DNAJC11: variants seen among roughly 807,000 people sequenced by gnomAD.
DNAJC11 encodes DnaJ heat shock protein family (Hsp40) member C11.
A neutral mutation model predicts 78.6 loss-of-function variants in DNAJC11; 15 were observed. That is an observed-to-expected ratio of 0.19 (90% CI 0.13 to 0.29). The LOEUF (loss-of-function observed/expected upper bound fraction) is 0.29, where lower values mean the gene tolerates loss of function less well. DNAJC11 is among the 10% of genes least tolerant of loss of function. The pLI, the probability that DNAJC11 is intolerant of heterozygous loss-of-function variation, is 1.00. For synonymous variants in DNAJC11, 292 were observed against 272.1 expected (o/e 1.07, Z -0.72); for missense variants, 547 against 709.6 (o/e 0.77, Z 2.60).
chr1:6,665,158 C>A (rs575556349), intron 4 of DNAJC11, among the ~76,000 whole-genome samples: 82 of 152,242 alleles, frequency 5.4e-4, no homozygotes, highest in African/African-American at 1.9e-3. Context: ...ACCTTGAACT[C>A]CTGGGCTCGG....
rs1348525744 is a variant in DNAJC11, at chr1:6,634,635, G to A, written c.*1040C>T. 1.5e-6 allele frequency: 2 copies of A among 1,366,516 alleles called. No individual in the cohort carries two copies. Among genetic ancestry groups the A allele is most frequent in the Non-Finnish European group, 2.0e-6 (2 of 1,021,840 alleles). The allele number at this position is 1,366,516 out of a possible 1,614,324, so 84.6% of individuals were successfully genotyped here. ...CTCACGTAACTTTACTGCAGCCGAG[G>A]TCCAGGCCGTGGAGGGGGTCCTAGC... On this transcript the variant is annotated 3_prime_UTR_variant, in exon 16 of 16. Coordinates refer to ENST00000377577, the MANE Select transcript of DNAJC11 (RefSeq NM_018198.4).
Position 6,685,713 on chromosome 1 carries a change from C to T in DNAJC11, c.73-4676G>A, listed in dbSNP as rs933233126. Among the ~76,000 whole-genome samples the T allele has an allele frequency of 5.3e-5, 8 of 152,198 alleles. No individual in the cohort carries two copies. In the East Asian group the frequency reaches 7.7e-4, roughly 15 times the overall value. On this transcript the variant is annotated intron_variant, in intron 1 of 15. Coordinates refer to ENST00000377577, the MANE Select transcript of DNAJC11 (RefSeq NM_018198.4). ...ATAAAACCTGAGTTTTCCTTTTGTT[C>T]TCTGGAACCCACCTTTGTTTTATAC...
Position 6,634,939 on chromosome 1 carries a change from G to T in DNAJC11, c.*736C>A. The stretch of plus-strand genomic sequence containing the variant: ...GCAGGCGGTGGAGGGACACAGGCCA[G>T]CTCAAGCCCGCTGGTGGCAGGGCGT... On this transcript the variant is annotated 3_prime_UTR_variant, in exon 16 of 16. Transcript: ENST00000377577. 21 of 1,087,560 alleles carry T rather than the reference G, an allele frequency of 1.9e-5. No individual in the cohort carries two copies. The highest frequency in any genetic ancestry group is 2.5e-5 in the Non-Finnish European group (21 of 853,456). 67.4% of individuals were successfully genotyped at this position (1,087,560 alleles called of 1,614,324 possible). A position where few individuals can be genotyped will look rare whatever the true frequency, so the allele number is the denominator to read the frequency against.
intron 4 of DNAJC11, among the ~76,000 whole-genome samples, chr1:6,655,173 A>G (rs1328321989): frequency 1.3e-5 from 2 of 152,228 alleles, no homozygotes; most frequent in African/African-American, 4.8e-5. Context: ...GTTGAGGGTG[A>G]AACACCTGAC....
rs1313415361 is a variant in DNAJC11, at chr1:6,682,612, CTT to C, written c.73-1577_73-1576del. On this transcript the variant is annotated intron_variant, in intron 1 of 15. Coordinates refer to ENST00000377577, the MANE Select transcript of DNAJC11 (RefSeq NM_018198.4). ...ACCTCCAGGAGCCTTCTGGCTCTAA[CTT>C]TACTCGATTCTGCTATTCAGAAAAG... is the stretch of plus-strand genomic sequence containing the variant. Among the ~76,000 whole-genome samples, 6 of 152,148 alleles carry C rather than the reference CTT, an allele frequency of 3.9e-5. No homozygotes were observed. The East Asian group carries it at 1.2e-3, about 29-fold the overall frequency.
In DNAJC11 at chr1:6,644,657, G is replaced by A. The variant is rs766797194; in HGVS notation, c.998C>T (p.Thr333Met). ...CCTCTCAGCTCCGTACTCCACCACC[G>A]TCCCAAAGAAGCCTGCTCTGCAGGG... ...KGSLKAGFFGTVVEYGAERKI... is the reference protein window; with the variant it reads ...KGSLKAGFFGMVVEYGAERKI... The change falls in exon 10 of 16, where the codon ACG becomes ATG. Residue 333 changes from threonine (T) to methionine (M), a missense_variant. Transcript: ENST00000377577. 8.7e-6 allele frequency: 14 copies of A among 1,613,974 alleles called. No homozygotes were observed. Among genetic ancestry groups the A allele is most frequent in the African/African-American group, 1.3e-5 (1 of 74,914 alleles).
chr1:6,635,614 A>G lies in DNAJC11; in HGVS notation c.*61T>C. 1.3e-6 allele frequency: 2 copies of G among 1,581,220 alleles called. No individual in the cohort carries two copies. The highest frequency in any genetic ancestry group is 1.1e-5 in the South Asian group (1 of 88,336). ...TGATGTCTGGGTTTTTTCATTTCCA[A>G]ATTTGTAGACTCCCAGGAAAAGATT... On this transcript the variant is annotated 3_prime_UTR_variant, in exon 16 of 16. Transcript: ENST00000377577.
In DNAJC11 at chr1:6,645,615, G is replaced by A. The variant is rs942969292; in HGVS notation, c.894+174C>T. ...CTGAAGGCAACTGCATTTCATACTCGAAGGTTCCACCAGGTCACTCGAGTG... is the reference window on the plus strand; with the variant it reads ...CTGAAGGCAACTGCATTTCATACTCAAAGGTTCCACCAGGTCACTCGAGTG... On this transcript the variant is annotated intron_variant, in intron 8 of 15. Transcript: ENST00000377577. This position sits in a 1 kb window ranked among gnomAD's most constrained non-coding sequence, Gnocchi z 4.1. Among the ~76,000 whole-genome samples the A allele has an allele frequency of 6.6e-6, 1 of 152,218 alleles. No homozygotes were observed. Among genetic ancestry groups the A allele is most frequent in the African/African-American group, 2.4e-5 (1 of 41,462 alleles).
chr1:6,640,079 A>G, intron 10 of DNAJC11, 22 bp from the exon 11 acceptor site: 1 of 1,534,112 alleles, frequency 6.5e-7, no homozygotes, highest in Non-Finnish European at 8.7e-7. Flanking sequence ...TACAAAAAAA[A>G]AAAAAAAAAA....
Position 6,701,721 on chromosome 1 carries a change from G to A in DNAJC11, c.72+8C>T, listed in dbSNP as rs1334694423. On this transcript the variant is annotated splice_region_variant and intron_variant, in intron 1 of 15. Coordinates refer to ENST00000377577, the MANE Select transcript of DNAJC11 (RefSeq NM_018198.4). ...TCAGCCCCCAGAGCGTCCAGCCGCT[G>A]GCCTCACCTCCCTGCGCACGTTCAG... 3.2e-6 allele frequency: 5 copies of A among 1,549,434 alleles called. No individual in the cohort carries two copies. Among genetic ancestry groups the A allele is most frequent in the Non-Finnish European group, 4.3e-6 (5 of 1,151,862 alleles).
intron 3 of DNAJC11, among the ~76,000 whole-genome samples, chr1:6,671,273 C>T (rs962741073): frequency 1.3e-5 from 2 of 152,176 alleles, no homozygotes; most frequent in African/African-American, 2.4e-5. Flanking sequence ...GACAGAGTCT[C>T]GCTCTGTTGC....
chr1:6,641,294 G>A (rs1432222947), intron 10 of DNAJC11, among the ~76,000 whole-genome samples: 1 of 151,304 alleles, frequency 6.6e-6, no homozygotes, highest in Non-Finnish European at 1.5e-5. Context: ...GCTGAGGTAG[G>A]AGAATTGCTT....
At chr1:6,694,837 T>C (rs1570317509) in intron 1 of DNAJC11, among the ~76,000 whole-genome samples, 1 of 148,634 alleles carries the variant, frequency 6.7e-6, no homozygotes. Context: ...TATCCAGGCA[T>C]GGTGGTGGGG....
At chr1:6,647,647 G>A (rs529427047) in intron 7 of DNAJC11, among the ~76,000 whole-genome samples, 18 of 152,072 alleles carry the variant, frequency 1.2e-4, no homozygotes, top group East Asian at 9.8e-4. Flanking sequence ...GTGAAACCCC[G>A]TCTCTAGTAA....
At chr1:6,640,084 A>AG in intron 10 of DNAJC11, 27 bp from the exon 11 acceptor site, 1 of 1,533,678 alleles carries the variant, frequency 6.5e-7, no homozygotes, top group Non-Finnish European at 8.7e-7. Flanking sequence ...AAAAAAAAAA[A>AG]AAAAAGCCAA....
rs1405520887 is a variant in DNAJC11, at chr1:6,667,742, T to C, written c.345A>G (p.Glu115=). 1 of 1,584,364 alleles carries C rather than the reference T, an allele frequency of 6.3e-7. No individual in the cohort carries two copies. The highest frequency in any genetic ancestry group is 1.3e-5 in the African/African-American group (1 of 74,156). Residue 115 remains glutamate (E), a synonymous_variant, in exon 4 of 16, where the codon GAA becomes GAG. Transcript: ENST00000377577. The part of the protein sequence containing the change: ...EEFERLQRER[E]ERRLQQRTNP... ...TGGTTCGCTGCTGCAATCTCCTCTC[T>C]TCTCTCTCTCTCTGCAGCCGCTCAA...
At chr1:6,692,262 C>A (rs1481783821) in intron 1 of DNAJC11, among the ~76,000 whole-genome samples, 1 of 152,112 alleles carries the variant, frequency 6.6e-6, no homozygotes, top group Non-Finnish European at 1.5e-5. Context: ...TCACGTTTGC[C>A]AATCACATTA....
At chr1:6,669,731 G>A (rs968775844) in intron 3 of DNAJC11, among the ~76,000 whole-genome samples, 8 of 151,874 alleles carry the variant, frequency 5.3e-5, no homozygotes, top group African/African-American at 1.2e-4. Context: ...TGTGTGCACC[G>A]GTGAGAAACA....
At chr1:6,660,679 A>C (rs1403552053) in intron 4 of DNAJC11, among the ~76,000 whole-genome samples, 1 of 152,222 alleles carries the variant, frequency 6.6e-6, no homozygotes, top group Non-Finnish European at 1.5e-5. Flanking sequence ...AAACCAAGTC[A>C]ACGAAAGATG....
Sources: gnomAD v4.1 joint callset for allele counts (sites outside exome capture counted in the v4.1 genomes callset) on GRCh38, gnomAD v4.1.1 for gene constraint, Gnocchi (gnomAD v3.1) non-coding constraint, MANE v1.5 for transcripts, NCBI Gene and HGNC (gene_info 2026-07-23, HGNC 2026-07-21) for gene names.